Variants in CACNB4 observed in about 807,000 individuals in gnomAD.
CACNB4 encodes calcium voltage-gated channel auxiliary subunit beta 4, also known as voltage-dependent L-type calcium channel subunit beta-4.
In CACNB4, 32 loss-of-function variants were observed where a neutral mutation model predicts 71.2. The observed-to-expected ratio is 0.45, with a 90% confidence interval of 0.34 to 0.60. CACNB4 has a LOEUF of 0.60. CACNB4 is among the 20% of genes least tolerant of loss of function. The pLI is 0.01. For missense variants in CACNB4, 464 were observed against 647.9 expected (o/e 0.72, Z 3.08); for synonymous variants, 231 against 236.9 (o/e 0.97, Z 0.23).
intron 2 of CACNB4, among the ~76,000 whole-genome samples, chr2:152,087,414 A>G (rs1687720792): frequency 6.7e-6 from 1 of 150,306 alleles, no homozygotes; most frequent in Non-Finnish European, 1.5e-5. Context: ...CCTCGGCAAC[A>G]GAACGGGACC....
At chr2:152,068,408 G>A (rs570305523) in intron 2 of CACNB4, among the ~76,000 whole-genome samples, 274 of 152,294 alleles carry the variant, frequency 1.8e-3, no homozygotes, top group South Asian at 9.1e-3. Context: ...TCCCGGCACA[G>A]CCCAAGCAGG....
intron 2 of CACNB4, among the ~76,000 whole-genome samples, chr2:151,944,319 C>T (rs1313621721): frequency 1.3e-5 from 2 of 152,122 alleles, no homozygotes; most frequent in East Asian, 3.9e-4. Flanking sequence ...GGATTACAGG[C>T]ATAAGCCACC....
intron 2 of CACNB4, among the ~76,000 whole-genome samples, chr2:151,898,263 G>T (rs1458029925): frequency 6.6e-6 from 1 of 152,202 alleles, no homozygotes; most frequent in Non-Finnish European, 1.5e-5. Flanking sequence ...TCTCCTCTGG[G>T]CTGCGTGGCT....
chr2:152,022,367 G>C (rs1244492806), intron 2 of CACNB4, among the ~76,000 whole-genome samples: 1 of 152,176 alleles, frequency 6.6e-6, no homozygotes, highest in African/African-American at 2.4e-5. Flanking sequence ...TTTCACAAAG[G>C]ACACAATCCA....
chr2:151,944,985 T>A (rs1476114052), intron 2 of CACNB4, among the ~76,000 whole-genome samples: 2 of 152,114 alleles, frequency 1.3e-5, no homozygotes, highest in African/African-American at 2.4e-5. Context: ...TAACATAACA[T>A]AAAATGTCAG....
intron 2 of CACNB4, chr2:151,971,531 C>T (rs1013053690): frequency 2.8e-6 from 2 of 702,772 alleles, no homozygotes; most frequent in African/African-American, 1.7e-5. Flanking sequence ...ATCTGGACAA[C>T]CCCCCACACT....
At chr2:151,975,025 A>G (rs1160365398) in intron 2 of CACNB4, among the ~76,000 whole-genome samples, 6 of 152,202 alleles carry the variant, frequency 3.9e-5, no homozygotes, top group Non-Finnish European at 8.8e-5. Context: ...AATTGGTCAG[A>G]TGACTCTGGA....
intron 2 of CACNB4, among the ~76,000 whole-genome samples, chr2:151,896,139 C>T (rs2099851999): frequency 6.6e-6 from 1 of 152,182 alleles, no homozygotes; most frequent in African/African-American, 2.4e-5. Context: ...AGACACCACG[C>T]CCAGCCAACT....
chr2:151,875,391 T>C (rs1296469523), intron 5 of CACNB4, among the ~76,000 whole-genome samples: 8 of 150,966 alleles, frequency 5.3e-5, no homozygotes, highest in Non-Finnish European at 8.9e-5. Context: ...CCATGTCTAC[T>C]TCTTTCTACA....
At chr2:151,934,334 C>A (rs6730903) in intron 2 of CACNB4, among the ~76,000 whole-genome samples, 140,634 of 152,302 alleles carry the variant, frequency 0.92, 65,284 homozygotes, top group Middle Eastern at 0.98. Context: ...CTATGCCTAC[C>A]GACAGATACA....
chr2:151,992,306 C>A (rs937068945), intron 2 of CACNB4, among the ~76,000 whole-genome samples: 2 of 152,248 alleles, frequency 1.3e-5, no homozygotes, highest in Non-Finnish European at 2.9e-5. Flanking sequence ...TAAGACAATG[C>A]AGCATGGCAA....
At position 152,005,562 on chromosome 2, in the gene CACNB4, T is replaced by C. The variant is rs76961910; in HGVS notation, c.147+92768A>G. 5.4e-3 allele frequency among the ~76,000 whole-genome samples: 826 copies of C among 152,352 alleles called. 5 individuals carry two copies. Among genetic ancestry groups the C allele is most frequent in the Non-Finnish European group, 9.4e-3 (637 of 68,034 alleles). ...GGCGGAAAAACTTCCTATTGGGTAC[T>C]ATGTTCATGATCTGGGTGAAGGGAT... On this transcript the variant is annotated intron_variant, in intron 2 of 13. Coordinates refer to ENST00000539935, the MANE Select transcript of CACNB4 (RefSeq NM_000726.5).
chr2:151,887,287 A>G (rs1264138505), intron 2 of CACNB4, among the ~76,000 whole-genome samples: 1 of 152,080 alleles, frequency 6.6e-6, no homozygotes, highest in Non-Finnish European at 1.5e-5. Flanking sequence ...ACCCACGTGT[A>G]AGAAACATGA....
At chr2:151,980,006 A>G (rs943039943) in intron 2 of CACNB4, among the ~76,000 whole-genome samples, 2 of 152,208 alleles carry the variant, frequency 1.3e-5, no homozygotes, top group African/African-American at 4.8e-5. Flanking sequence ...GGACTCCTTC[A>G]GTTCCATGAT....
At chr2:151,899,131 G>A (rs997806287) in intron 2 of CACNB4, among the ~76,000 whole-genome samples, 1 of 152,252 alleles carries the variant, frequency 6.6e-6, no homozygotes, top group Non-Finnish European at 1.5e-5. Flanking sequence ...GGAGGAGAGA[G>A]GAGGCCCTTC....
intron 9 of CACNB4, chr2:151,866,724 C>T (rs1386580683): frequency 6.6e-6 from 1 of 152,150 alleles, no homozygotes; most frequent in East Asian, 1.9e-4. Context: ...ATTCTCTCAC[C>T]CCTCACCCCT....
chr2:151,955,609 T>C (rs2099868057), intron 2 of CACNB4, among the ~76,000 whole-genome samples: 1 of 152,124 alleles, frequency 6.6e-6, no homozygotes, highest in African/African-American at 2.4e-5. Context: ...GAGTTGGACT[T>C]TGATTGGGTG....
rs188698416 is a variant in CACNB4 at position 151,981,855 on chromosome 2, G to A, written c.148-98485C>T. Among the ~76,000 whole-genome samples, 12 of 152,200 alleles carry A rather than the reference G, an allele frequency of 7.9e-5. No homozygotes were observed. The East Asian group carries it at 1.2e-3, about 15-fold the overall frequency. Reference sequence around the variant, plus strand: ...ATGTCTCAAGCACCAGGCAGCAAGCGTGCTAAAACCTCAACAATGGAGTAG... The same window carrying A: ...ATGTCTCAAGCACCAGGCAGCAAGCATGCTAAAACCTCAACAATGGAGTAG... On this transcript the variant is annotated intron_variant, in intron 2 of 13. Transcript: ENST00000539935.
intron 2 of CACNB4, among the ~76,000 whole-genome samples, chr2:151,953,022 G>A (rs972087507): frequency 2.0e-5 from 3 of 152,170 alleles, no homozygotes; most frequent in Admixed American, 6.5e-5. Context: ...TTACGGAGAG[G>A]AAACTGAATA....
Sources: allele counts gnomAD v4.1 joint callset (sites outside exome capture counted in the v4.1 genomes callset), GRCh38; gene constraint gnomAD v4.1.1; transcripts MANE v1.5; gene names NCBI Gene and HGNC (gene_info 2026-07-23, HGNC 2026-07-21).